The following AR variants were observed in gnomAD, a reference collection of about 807,000 sequenced individuals.
AR encodes the protein dihydrotestosterone receptor.
AR carries 8 observed loss-of-function variants against 53.9 expected under a neutral mutation model. The ratio of observed to expected loss-of-function variants is 0.15; its 90% CI spans 0.09 to 0.27. The LOEUF is 0.27. Ranked by LOEUF, AR falls within the 10% of genes least tolerant of loss-of-function variation. The pLI is 1.00. For missense variants in AR, 639 were observed against 742.5 expected, an observed-to-expected ratio of 0.86 and a Z score of 1.62; for synonymous variants, 359 against 316.4, an observed-to-expected ratio of 1.13 and a Z score of -1.43.
intron 1 of AR, among the ~76,000 whole-genome samples, chrX:67,630,872 A>T (rs1246073662): frequency 9.1e-6 from 1 of 109,977 alleles, no homozygotes; most frequent in African/African-American, 3.3e-5. Context: ...TTGTCTGTAA[A>T]GGATTTTATT....
At chrX:67,697,404 C>A (rs1025876498) in intron 3 of AR, among the ~76,000 whole-genome samples, 6 of 111,398 alleles carry the variant, frequency 5.4e-5, no homozygotes, top group Admixed American at 1.9e-4. Flanking sequence ...CTGTTCTAAG[C>A]ATCTTACACA....
intron 1 of AR, among the ~76,000 whole-genome samples, chrX:67,610,714 C>G (rs1403323803): frequency 2.7e-5 from 3 of 111,854 alleles, no homozygotes; most frequent in Non-Finnish European, 5.6e-5. Context: ...GCACAACTTT[C>G]AATTGTATGG....
chrX:67,644,271 T>C (rs1925940758), intron 2 of AR, among the ~76,000 whole-genome samples: 1 of 111,751 alleles, frequency 8.9e-6, no homozygotes, highest in Non-Finnish European at 1.9e-5. Flanking sequence ...TTGAGGGCTT[T>C]CTTCTCAAAG....
chrX:67,699,502 C>T (rs767178293), intron 3 of AR, among the ~76,000 whole-genome samples: 2 of 111,954 alleles, frequency 1.8e-5, no homozygotes, highest in African/African-American at 6.5e-5. Flanking sequence ...GATGTCTTTC[C>T]TGGAGGATCC....
At chrX:67,605,024 C>T (rs1424921733) in intron 1 of AR, among the ~76,000 whole-genome samples, 2 of 112,294 alleles carry the variant, frequency 1.8e-5, no homozygotes, top group African/African-American at 6.5e-5. Context: ...CTTATTCAAC[C>T]ACTGGCTGAA....
intron 3 of AR, among the ~76,000 whole-genome samples, chrX:67,690,563 C>G (rs1279485711): frequency 1.8e-5 from 2 of 112,058 alleles, no homozygotes; most frequent in African/African-American, 6.5e-5. Flanking sequence ...ATCCATTCAT[C>G]CTTCCAGCCA....
chrX:67,632,789 AG>A (rs1925230509), intron 1 of AR, among the ~76,000 whole-genome samples: 1 of 112,548 alleles, frequency 8.9e-6, no homozygotes, highest in Admixed American at 9.4e-5. Context: ...ATATCTGATA[AG>A]GGTATTGAAT....
intron 1 of AR, among the ~76,000 whole-genome samples, chrX:67,629,173 C>A (rs1272295440): frequency 1.8e-5 from 2 of 109,690 alleles, no homozygotes; most frequent in East Asian, 5.8e-4. Context: ...GGGAGGATTC[C>A]CTCTTTTTCT....
chrX:67,704,440 T>A (rs1229029262), intron 3 of AR, among the ~76,000 whole-genome samples: 1 of 112,458 alleles, frequency 8.9e-6, no homozygotes, highest in East Asian at 2.8e-4. Context: ...TGCATAAATG[T>A]CTTTTTTTGA....
intron 5 of AR, among the ~76,000 whole-genome samples, chrX:67,720,952 G>A (rs1056388110): frequency 9.0e-6 from 1 of 111,308 alleles, no homozygotes; most frequent in Non-Finnish European, 1.9e-5. Flanking sequence ...CTAGCATGAG[G>A]ATGCTGTGTC....
chrX:67,629,221 C>T (rs1924904086), intron 1 of AR, among the ~76,000 whole-genome samples: 1 of 108,147 alleles, frequency 9.2e-6, no homozygotes, highest in African/African-American at 3.3e-5. Flanking sequence ...GGTACCAGTT[C>T]CTCCTTGTAC....
intron 7 of AR, among the ~76,000 whole-genome samples, chrX:67,723,312 CTG>C (rs796606484): frequency 0.022 from 1,711 of 77,900 alleles, 42 homozygotes; most frequent in East Asian, 0.084. Context: ...GTTTGTCTGT[CTG>C]TGTGTGTGTG....
intron 1 of AR, among the ~76,000 whole-genome samples, chrX:67,591,086 A>G (rs992450989): frequency 4.5e-5 from 5 of 111,657 alleles, no homozygotes; most frequent in Non-Finnish European, 9.4e-5. Context: ...GTATGTGTAT[A>G]TGCATGGGCT....
At chrX:67,630,945 T>C (rs914900219) in intron 1 of AR, among the ~76,000 whole-genome samples, 2 of 111,352 alleles carry the variant, frequency 1.8e-5, no homozygotes, top group Non-Finnish European at 3.8e-5. Context: ...AATTCTTTTC[T>C]TTATGAATGT....
intron 3 of AR, among the ~76,000 whole-genome samples, chrX:67,706,177 G>T (rs1230039681): frequency 8.9e-6 from 1 of 111,834 alleles, no homozygotes; most frequent in Non-Finnish European, 1.9e-5. Context: ...AGTTAGGGAG[G>T]ATTCCCTCTT....
chrX:67,545,024 T>G lies in AR; in HGVS notation c.-123T>G. On this transcript the variant is annotated 5_prime_UTR_variant, in exon 1 of 8. Coordinates refer to ENST00000374690, the MANE Select transcript of AR (RefSeq NM_000044.6). ...TCCCGCAAGTTTCCTTCTCTGGAGC[T>G]TCCCGCAGGTGGGCAGCTAGCTGCA... The G allele has an allele frequency of 2.9e-6, 3 of 1,031,792 alleles. No homozygotes were observed. Among genetic ancestry groups the G allele is most frequent in the Non-Finnish European group, 3.8e-6 (3 of 784,114 alleles). The allele number at this position is 1,031,792 out of a possible 1,213,427, so 85.0% of individuals were successfully genotyped here. A position where few individuals can be genotyped will look rare whatever the true frequency, so the allele number is the denominator to read the frequency against.
At chrX:67,712,785 TAAC>T (rs753263248) in intron 4 of AR, among the ~76,000 whole-genome samples, 22 of 112,395 alleles carry the variant, frequency 2.0e-4, no homozygotes, top group African/African-American at 7.1e-4. Context: ...TCTTTTGAAA[TAAC>T]AACAACCAAA....
At chrX:67,569,215 G>C (rs113613897) in intron 1 of AR, among the ~76,000 whole-genome samples, 1 of 104,074 alleles carries the variant, frequency 9.6e-6, no homozygotes, top group Non-Finnish European at 2.0e-5. Flanking sequence ...TTGTGTGTGG[G>C]GGGGGGTTGG....
chrX:67,687,006 A>G (rs954192934), intron 3 of AR, among the ~76,000 whole-genome samples: 1 of 111,849 alleles, frequency 8.9e-6, no homozygotes, highest in Admixed American at 9.5e-5. Context: ...GTCTTTCATG[A>G]GAAAAACAAG....
Sources: gnomAD v4.1 joint callset for allele counts (sites outside exome capture counted in the v4.1 genomes callset) on GRCh38, gnomAD v4.1.1 for gene constraint, MANE v1.5 for transcripts, NCBI Gene and HGNC (gene_info 2026-07-23, HGNC 2026-07-21) for gene names.